BRIP1: variants seen among roughly 807,000 people sequenced by gnomAD.
BRIP1 encodes Fanconi anemia group J protein.
BRIP1 carries 88 observed loss-of-function variants against 119.7 expected under a neutral mutation model. That is an observed-to-expected ratio of 0.74 (90% CI 0.62 to 0.88). The LOEUF (loss-of-function observed/expected upper bound fraction) is 0.88. BRIP1 is among the 40% of genes least tolerant of loss of function. The pLI, the probability that BRIP1 is intolerant of heterozygous loss-of-function variation, is 0.00. For synonymous variants in BRIP1, 443 were observed against 496.5 expected (o/e 0.89, Z 1.43); for missense variants, 1,259 against 1,455.4 (o/e 0.87, Z 2.20).
intron 17 of BRIP1, among the ~76,000 whole-genome samples, chr17:61,707,065 C>T (rs1191058500): frequency 1.3e-5 from 2 of 151,942 alleles, no homozygotes; most frequent in African/African-American, 4.8e-5. Flanking sequence ...GCACATCTTC[C>T]AGTAACATCC....
intron 9 of BRIP1, among the ~76,000 whole-genome samples, chr17:61,797,184 T>C (rs1417058075): frequency 1.3e-5 from 2 of 151,926 alleles, no homozygotes; most frequent in African/African-American, 2.4e-5. Flanking sequence ...TAAGCTATGA[T>C]ACTACAAACT....
At position 61,809,828 on chromosome 17, in the gene BRIP1, T is replaced by A. The variant is rs547487785; in HGVS notation, c.628-1071A>T. Reference sequence around the variant, plus strand: ...AACACTCTACTTGACTGTTTTTTTTTATTATTGTAATCAGTAAGATTAGCC... The same window carrying A: ...AACACTCTACTTGACTGTTTTTTTTAATTATTGTAATCAGTAAGATTAGCC... On this transcript the variant is annotated intron_variant, in intron 6 of 19. Coordinates refer to ENST00000259008, the MANE Select transcript of BRIP1 (RefSeq NM_032043.3). The surrounding 1 kb of genome is among the most constrained non-coding windows in gnomAD (Gnocchi z 5.2). Among the ~76,000 whole-genome samples, 14 of 152,320 alleles carry A rather than the reference T, an allele frequency of 9.2e-5. No individual in the cohort carries two copies. Among genetic ancestry groups the A allele is most frequent in the African/African-American group, 2.9e-4 (12 of 41,574 alleles).
intron 10 of BRIP1, among the ~76,000 whole-genome samples, chr17:61,785,301 T>C (rs2077689204): frequency 6.6e-6 from 1 of 152,152 alleles, no homozygotes; most frequent in South Asian, 2.1e-4. Context: ...GGTCTTTACA[T>C]GGCTCATAAG....
intron 6 of BRIP1, among the ~76,000 whole-genome samples, chr17:61,813,203 T>C (rs2145463487): frequency 6.6e-6 from 1 of 151,160 alleles, no homozygotes; most frequent in African/African-American, 2.4e-5. Context: ...AAAAAGAGAA[T>C]GAAGAGAAAC....
At position 61,857,014 on chromosome 17, in the gene BRIP1, C is replaced by T. The variant is rs2078904540; in HGVS notation, c.379+44G>A. 3.9e-6 allele frequency: 6 copies of T among 1,551,152 alleles called. No individual in the cohort carries two copies. The highest frequency in any genetic ancestry group is 5.3e-6 in the Non-Finnish European group (6 of 1,122,882). On this transcript the variant is annotated intron_variant, in intron 4 of 19. Coordinates refer to ENST00000259008, the MANE Select transcript of BRIP1 (RefSeq NM_032043.3). This position sits in a 1 kb window ranked among gnomAD's most constrained non-coding sequence, Gnocchi z 5.1. ...GGGCTTATAACAGTAATAATTAAGA[C>T]TCTTATTACAGATATCAACTGACCC... is the stretch of plus-strand genomic sequence containing the variant.
rs2077435975 is a variant in BRIP1 at position 61,770,713 on chromosome 17, TATAATTCC to T, written c.2097+5680_2097+5687del. Among the ~76,000 whole-genome samples the T allele has an allele frequency of 6.6e-6, 1 of 152,094 alleles. No individual in the cohort carries two copies. The highest frequency in any genetic ancestry group is 2.4e-5 in the African/African-American group (1 of 41,436). ...AATCCAAACTACATAAGATGTTAAA[TATAATTCC>T]TAGGACAACCACTAAGAAAATAACT... On this transcript the variant is annotated intron_variant, in intron 14 of 19. Coordinates refer to ENST00000259008, the MANE Select transcript of BRIP1 (RefSeq NM_032043.3). This position sits in a 1 kb window ranked among gnomAD's most constrained non-coding sequence, Gnocchi z 4.7.
At position 61,776,486 on chromosome 17, in the gene BRIP1, T is replaced by C. The variant is rs587778135; in HGVS notation, c.2012A>G (p.Glu671Gly). ...CATFQNTETFEFQDEVGALLL... is the reference protein window; with the variant it reads ...CATFQNTETFGFQDEVGALLL... ...AAGTGCTCCCACTTCATCTTGGAAC[T>C]CAAATGTTTCAGTATTCTGGAAGGT... Residue 671 changes from glutamate (E) to glycine (G), a missense_variant, in exon 14 of 20, where the codon GAG becomes GGG. By Grantham distance (98) the Glu-to-Gly change is moderately conservative (BLOSUM62 -2). Transcript: ENST00000259008. This position sits in a 1 kb window ranked among gnomAD's most constrained non-coding sequence, Gnocchi z 5.0. 10 of 1,614,160 alleles carry C rather than the reference T, an allele frequency of 6.2e-6. No homozygotes were observed. Among genetic ancestry groups the C allele is most frequent in the Non-Finnish European group, 7.6e-6 (9 of 1,180,018 alleles).
chr17:61,732,231 C>T (rs1378144108), intron 16 of BRIP1, among the ~76,000 whole-genome samples: 2 of 152,020 alleles, frequency 1.3e-5, no homozygotes, highest in African/African-American at 4.8e-5. Flanking sequence ...GATCCACCCA[C>T]CTCGGCCTCC....
rs1364967198 is a variant in BRIP1, at chr17:61,772,202, TATATATAA to T, written c.2097+4191_2097+4198del. Among the ~76,000 whole-genome samples, 324 of 74,518 alleles carry T rather than the reference TATATATAA, an allele frequency of 4.3e-3. 9 individuals are homozygous for T. The highest frequency in any genetic ancestry group is 0.022 in the South Asian group (39 of 1,800). The allele number at this position is 74,518 out of a possible 152,430, so 48.9% of individuals were successfully genotyped here. On this transcript the variant is annotated intron_variant, in intron 14 of 19. Transcript: ENST00000259008. ...ATATATATATATATATATATATATA[TATATATAA>T]AATGAAATATTATTCTGCCATAAAA... is the stretch of plus-strand genomic sequence containing the variant.
In BRIP1 at chr17:61,861,143, G is replaced by T. The variant is rs1000377551; in HGVS notation, c.93+304C>A. Among the ~76,000 whole-genome samples, 1 of 152,126 alleles carries T rather than the reference G, an allele frequency of 6.6e-6. No homozygotes were observed. The highest frequency in any genetic ancestry group is 2.4e-5 in the African/African-American group (1 of 41,430). On this transcript the variant is annotated intron_variant, in intron 2 of 19. Transcript: ENST00000259008. This position sits in a 1 kb window ranked among gnomAD's most constrained non-coding sequence, Gnocchi z 4.5. ...AAACAAAACAATGGTGAGAAAAATA[G>T]TATTCTGTGTAAAAGATAGTAAATA...
rs1460758869 is a variant in BRIP1, at chr17:61,713,265, A to G, written c.2492+2686T>C. 2.6e-5 allele frequency among the ~76,000 whole-genome samples: 4 copies of G among 152,160 alleles called. No homozygotes were observed. Among genetic ancestry groups the G allele is most frequent in the Non-Finnish European group, 5.9e-5 (4 of 68,030 alleles). ...TGTGTTACTGGTTTGTGTATTTACT[A>G]TACTGTACTTCTTATCACTACAGTG... On this transcript the variant is annotated intron_variant, in intron 17 of 19. Coordinates refer to ENST00000259008, the MANE Select transcript of BRIP1 (RefSeq NM_032043.3). The surrounding 1 kb of genome is among the most constrained non-coding windows in gnomAD (Gnocchi z 4.9).
chr17:61,806,037 C>T lies in BRIP1; in HGVS notation c.918+2430G>A, dbSNP rs2078068812. ...TATAAGGGCACTTTAGTAAAAGAAA[C>T]AATGAACAAAAACACATGTGCCTTG... On this transcript the variant is annotated intron_variant, in intron 7 of 19. Transcript: ENST00000259008. The surrounding 1 kb of genome is among the most constrained non-coding windows in gnomAD (Gnocchi z 4.9). Among the ~76,000 whole-genome samples, 1 of 152,002 alleles carries T rather than the reference C, an allele frequency of 6.6e-6. No homozygotes were observed. Among genetic ancestry groups the T allele is most frequent in the African/African-American group, 2.4e-5 (1 of 41,406 alleles).
chr17:61,692,950 T>G (rs894238788), intron 18 of BRIP1, among the ~76,000 whole-genome samples: 2 of 152,110 alleles, frequency 1.3e-5, no homozygotes, highest in African/African-American at 4.8e-5. Flanking sequence ...CCAATATCCA[T>G]GAGGGGGAAA....
chr17:61,692,647 C>A (rs2061464981), intron 18 of BRIP1, among the ~76,000 whole-genome samples: 1 of 152,050 alleles, frequency 6.6e-6, no homozygotes, highest in Non-Finnish European at 1.5e-5. Context: ...CAAATCAAAT[C>A]CACACTGTGC....
rs1352495692 is a variant in BRIP1, at chr17:61,701,980, A to G, written c.2493-8468T>C. 6.6e-6 allele frequency among the ~76,000 whole-genome samples: 1 copy of G among 152,220 alleles called. No individual in the cohort carries two copies. Among genetic ancestry groups the G allele is most frequent in the African/African-American group, 2.4e-5 (1 of 41,460 alleles). On this transcript the variant is annotated intron_variant, in intron 17 of 19. Transcript: ENST00000259008. The surrounding 1 kb of genome is among the most constrained non-coding windows in gnomAD (Gnocchi z 5.1). The stretch of plus-strand genomic sequence containing the variant: ...TATTGTGAACTTGGAGAGAGGTGAG[A>G]ACAGAGCAAGTTAAAATACCACAAA...
rs1232371590 is a variant in BRIP1 at position 61,806,757 on chromosome 17, G to A, written c.918+1710C>T. ...CTGTTGCCCAGGCTGCAGTGCAGTG[G>A]CGCGATCTTGGCTCACTGCAACCTC... On this transcript the variant is annotated intron_variant, in intron 7 of 19. Coordinates refer to ENST00000259008, the MANE Select transcript of BRIP1 (RefSeq NM_032043.3). The surrounding 1 kb of genome is among the most constrained non-coding windows in gnomAD (Gnocchi z 4.9). Among the ~76,000 whole-genome samples, 1 of 152,182 alleles carries A rather than the reference G, an allele frequency of 6.6e-6. No individual in the cohort carries two copies. The highest frequency in any genetic ancestry group is 6.5e-5 in the Admixed American group (1 of 15,270).
In BRIP1 at chr17:61,845,571, A is replaced by AT. The variant is rs2078715487; in HGVS notation, c.627+1529dup. Reference sequence around the variant, plus strand: ...TCAGAGTATATACAAATTTTTTAAAATTCTGATTTTCACTTGAAAGCTCAA... The same window carrying AT: ...TCAGAGTATATACAAATTTTTTAAAATTTCTGATTTTCACTTGAAAGCTCAA... On this transcript the variant is annotated intron_variant, in intron 6 of 19. Coordinates refer to ENST00000259008, the MANE Select transcript of BRIP1 (RefSeq NM_032043.3). The surrounding 1 kb of genome is among the most constrained non-coding windows in gnomAD (Gnocchi z 4.2). Among the ~76,000 whole-genome samples, 1 of 152,220 alleles carries AT rather than the reference A, an allele frequency of 6.6e-6. No individual in the cohort carries two copies. Among genetic ancestry groups the AT allele is most frequent in the Non-Finnish European group, 1.5e-5 (1 of 68,044 alleles).
intron 6 of BRIP1, among the ~76,000 whole-genome samples, chr17:61,830,721 G>A (rs1436679846): frequency 6.6e-6 from 1 of 152,132 alleles, no homozygotes; most frequent in Non-Finnish European, 1.5e-5. Flanking sequence ...CTTCCCTGGT[G>A]AATTCTATCA....
Position 61,831,842 on chromosome 17 carries a change from A to C in BRIP1, c.627+15259T>G, listed in dbSNP as rs567177043. Among the ~76,000 whole-genome samples the C allele has an allele frequency of 2.0e-5, 3 of 152,332 alleles. No individual in the cohort carries two copies. Among genetic ancestry groups the C allele is most frequent in the Admixed American group, 1.3e-4 (2 of 15,300 alleles). On this transcript the variant is annotated intron_variant, in intron 6 of 19. Transcript: ENST00000259008. This position sits in a 1 kb window ranked among gnomAD's most constrained non-coding sequence, Gnocchi z 4.1. Reference sequence around the variant, plus strand: ...TTCAGTTAAACATACAGAAAGGAAGAAAATTAGAATGGGCCCTCTGGTACT... The same window carrying C: ...TTCAGTTAAACATACAGAAAGGAAGCAAATTAGAATGGGCCCTCTGGTACT...
Sources: allele counts gnomAD v4.1 joint callset (sites outside exome capture counted in the v4.1 genomes callset), GRCh38; gene constraint gnomAD v4.1.1; non-coding constraint Gnocchi (gnomAD v3.1); transcripts MANE v1.5; gene names NCBI Gene and HGNC (gene_info 2026-07-23, HGNC 2026-07-21).